The following FREM2 variants were observed in gnomAD, a reference collection of about 807,000 sequenced individuals.
FREM2 encodes FRAS1-related extracellular matrix protein 2.
FREM2 carries 119 observed loss-of-function variants against 219.9 expected under a neutral mutation model. The ratio of observed to expected loss-of-function variants is 0.54; its 90% CI spans 0.47 to 0.63. The LOEUF is 0.63. Ranked by LOEUF, FREM2 falls within the 30% of genes least tolerant of loss-of-function variation. FREM2 has a pLI of 0.00. For synonymous variants in FREM2, 1,562 were observed against 1,522.8 expected (o/e 1.03, Z -0.60); for missense variants, 4,030 against 3,993.6 (o/e 1.01, Z -0.25).
At chr13:38,820,060 A>C (rs190048592) in intron 6 of FREM2, among the ~76,000 whole-genome samples, 1 of 152,268 alleles carries the variant, frequency 6.6e-6, no homozygotes, top group Non-Finnish European at 1.5e-5. Context: ...AGATAATAGA[A>C]TAACTTGTAA....
chr13:38,828,260 G>A (rs562950546), intron 6 of FREM2, among the ~76,000 whole-genome samples: 4 of 152,186 alleles, frequency 2.6e-5, no homozygotes, highest in Non-Finnish European at 5.9e-5. Context: ...TACCTCAAAG[G>A]TTGTTAGGAA....
intron 6 of FREM2, among the ~76,000 whole-genome samples, chr13:38,833,011 C>G (rs1480002625): frequency 6.6e-6 from 1 of 151,986 alleles, no homozygotes; most frequent in Non-Finnish European, 1.5e-5. Flanking sequence ...TACACTCCAC[C>G]CTGGGTGACA....
intron 8 of FREM2, 106 bp downstream of exon 8, chr13:38,848,776 A>G (rs1877262265): frequency 9.7e-7 from 1 of 1,032,052 alleles, no homozygotes; most frequent in Non-Finnish European, 1.4e-6. Context: ...TTTGTTTGCT[A>G]GGGCTTCCAT....
intron 2 of FREM2, among the ~76,000 whole-genome samples, chr13:38,743,302 G>T (rs1053308539): frequency 6.6e-6 from 1 of 151,252 alleles, no homozygotes; most frequent in Non-Finnish European, 1.5e-5. Context: ...TAGCTATATA[G>T]AGAGATATTT....
rs759296315 is a variant in FREM2 at position 38,688,765 on chromosome 13, A to G, written c.1421A>G (p.Asp474Gly). ...GPQNLVISDE[D>G]DLEAVRLEVV... is the part of the protein sequence containing the mutation. ...CAAAACTTGGTCATCAGCGATGAGG[A>G]TGACCTAGAAGCAGTGCGGCTAGAG... Residue 474 changes from aspartate (D) to glycine (G), a missense_variant, in exon 1 of 24, where the codon GAT (aspartate) becomes GGT (glycine). By Grantham distance (94) the Asp-to-Gly change is moderately conservative (BLOSUM62 -1). Transcript: ENST00000280481. 3.1e-5 allele frequency: 50 copies of G among 1,613,900 alleles called. No individual in the cohort carries two copies. Among genetic ancestry groups the G allele is most frequent in the Non-Finnish European group, 4.2e-5 (49 of 1,180,008 alleles).
At chr13:38,780,313 T>C (rs753477886) in intron 4 of FREM2, among the ~76,000 whole-genome samples, 10 of 152,322 alleles carry the variant, frequency 6.6e-5, no homozygotes, top group Middle Eastern at 3.4e-3. Context: ...GAGTCATCCT[T>C]TATTCTTCTG....
chr13:38,866,529 G>T (rs188396281), intron 16 of FREM2, among the ~76,000 whole-genome samples: 99 of 151,226 alleles, frequency 6.5e-4, no homozygotes, highest in African/African-American at 2.3e-3. Flanking sequence ...TTAGCCGGGC[G>T]TGGTGGCGCA....
chr13:38,867,510 G>T (rs945667018), intron 16 of FREM2, among the ~76,000 whole-genome samples: 1 of 152,116 alleles, frequency 6.6e-6, no homozygotes, highest in African/African-American at 2.4e-5. Context: ...TGTTAGTCAG[G>T]GTTCTCCCCA....
In FREM2 at chr13:38,883,308, A is replaced by T. The variant is rs1207385461; in HGVS notation, c.*2521A>T. The T allele has an allele frequency of 6.6e-6, 1 of 152,104 alleles. No homozygotes were observed. Among genetic ancestry groups the T allele is most frequent in the Non-Finnish European group, 1.5e-5 (1 of 68,008 alleles). 9.4% of individuals were successfully genotyped at this position (152,104 alleles called of 1,614,324 possible). A position where few individuals can be genotyped will look rare whatever the true frequency, so the allele number is the denominator to read the frequency against. On this transcript the variant is annotated 3_prime_UTR_variant, in exon 24 of 24. Transcript: ENST00000280481. Reference sequence around the variant, plus strand: ...CTTGTTAGTGGGAAGAATATGGTAAATTTTTTGTTAAATAAAATAGACCCT... The same window carrying T: ...CTTGTTAGTGGGAAGAATATGGTAATTTTTTTGTTAAATAAAATAGACCCT...
chr13:38,871,006 A>G (rs1878138751), intron 16 of FREM2, among the ~76,000 whole-genome samples: 1 of 152,144 alleles, frequency 6.6e-6, no homozygotes, highest in Non-Finnish European at 1.5e-5. Context: ...ATATGGGTTG[A>G]CTTAGTCACC....
chr13:38,847,511 AAATT>A (rs1877208797), intron 7 of FREM2, among the ~76,000 whole-genome samples: 2 of 152,284 alleles, frequency 1.3e-5, no homozygotes, highest in South Asian at 4.1e-4. Context: ...TTGTTTAACT[AAATT>A]AATCATTTTT....
intron 2 of FREM2, among the ~76,000 whole-genome samples, chr13:38,755,308 A>G (rs1872952615): frequency 6.6e-6 from 1 of 152,066 alleles, no homozygotes; most frequent in Non-Finnish European, 1.5e-5. Flanking sequence ...TATCACAGCT[A>G]TGCCCAACTC....
rs139409223 is a variant in FREM2, at chr13:38,708,235, C to T, written c.5263+10448C>T. Among the ~76,000 whole-genome samples, 486 of 152,154 alleles carry T rather than the reference C, an allele frequency of 3.2e-3. 2 individuals are homozygous for T. Among genetic ancestry groups the T allele is most frequent in the African/African-American group, 0.011 (466 of 41,506 alleles). ...CAGTGCCTGAGTACATATAGGTGCT[C>T]GATAAATATTTATTGAGTGAAGGAA... On this transcript the variant is annotated intron_variant, in intron 2 of 23. Transcript: ENST00000280481.
Position 38,874,530 on chromosome 13 carries a change from C to G in FREM2, c.8225C>G (p.Ala2742Gly), listed in dbSNP as rs1878277143. 1 of 1,614,120 alleles carries G rather than the reference C, an allele frequency of 6.2e-7. No individual in the cohort carries two copies. The highest frequency in any genetic ancestry group is 8.5e-7 in the Non-Finnish European group (1 of 1,179,958). The change falls in exon 18 of 24, where the codon GCC (alanine) becomes GGC (glycine). Residue 2742 changes from alanine (A) to glycine (G), a missense_variant. Physicochemically the swap from Ala to Gly is moderately conservative, Grantham distance 60. This residue lies in a region of FREM2 where 928 missense variants were observed against 1,042.9 expected (regional missense o/e 0.89). Coordinates refer to ENST00000280481, the MANE Select transcript of FREM2 (RefSeq NM_207361.6). ...SMRIGDEGRL[A>G]VHFKTEAQFH... ...CGCATCGGTGATGAGGGGCGCTTGGCCGTGCACTTCAAGACAGAGGCTCAG... is the reference window on the plus strand; with the variant it reads ...CGCATCGGTGATGAGGGGCGCTTGGGCGTGCACTTCAAGACAGAGGCTCAG...
At chr13:38,810,493 G>A (rs768595519) in intron 6 of FREM2, among the ~76,000 whole-genome samples, 16 of 151,772 alleles carry the variant, frequency 1.1e-4, no homozygotes, top group African/African-American at 3.4e-4. Flanking sequence ...TATATGTTCC[G>A]TCTATACCCA....
chr13:38,843,459 CAAAG>C (rs1366294131), intron 6 of FREM2, among the ~76,000 whole-genome samples: 1 of 149,932 alleles, frequency 6.7e-6, no homozygotes, highest in Non-Finnish European at 1.5e-5. Context: ...AAAAGTTTAC[CAAAG>C]AAAGAGGTGA....
chr13:38,779,482 A>C (rs918839105), intron 4 of FREM2: 4 of 151,996 alleles, frequency 2.6e-5, no homozygotes, highest in African/African-American at 9.7e-5. Flanking sequence ...CTGTGCAAGG[A>C]TGCCAAGCAA....
At chr13:38,737,166 AT>A (rs925016710) in intron 2 of FREM2, among the ~76,000 whole-genome samples, 4 of 152,114 alleles carry the variant, frequency 2.6e-5, no homozygotes, top group African/African-American at 9.7e-5. Context: ...TGTCACCTTC[AT>A]TTTTGCATCT....
chr13:38,837,765 G>GTTT lies in FREM2; in HGVS notation c.6020-8801_6020-8799dup, dbSNP rs151057502. 4.3e-4 allele frequency among the ~76,000 whole-genome samples: 61 copies of GTTT among 140,534 alleles called. 1 individual carries two copies. The highest frequency in any genetic ancestry group is 1.5e-3 in the African/African-American group (58 of 38,830). The allele number at this position is 140,534 out of a possible 152,430, so 92.2% of individuals were successfully genotyped here. A position where few individuals can be genotyped will look rare whatever the true frequency, so the allele number is the denominator to read the frequency against. On this transcript the variant is annotated intron_variant, in intron 6 of 23. Coordinates refer to ENST00000280481, the MANE Select transcript of FREM2 (RefSeq NM_207361.6). Reference sequence around the variant, plus strand: ...TAAGAGACTAGGATTGCAACCCCTGGTTTTTTTTTGTTTTGTTTTGTTTTG... The same window carrying GTTT: ...TAAGAGACTAGGATTGCAACCCCTGGTTTTTTTTTTTTGTTTTGTTTTGTTTTG...
Sources: allele counts gnomAD v4.1 joint callset (sites outside exome capture counted in the v4.1 genomes callset), GRCh38; gene constraint gnomAD v4.1.1; regional missense constraint gnomAD v4.1.1; transcripts MANE v1.5; gene names NCBI Gene and HGNC (gene_info 2026-07-23, HGNC 2026-07-21).